HERC2: variants seen among roughly 807,000 people sequenced by gnomAD.
HERC2 encodes the protein E3 ubiquitin-protein ligase HERC2.
A neutral mutation model predicts 537.7 loss-of-function variants in HERC2; 102 were observed. The observed-to-expected ratio is 0.19, with a 90% CI of 0.16 to 0.22. The LOEUF is 0.22. HERC2 is among the 10% of genes least tolerant of loss of function. HERC2 has a pLI of 1.00. For missense variants in HERC2, 4,236 were observed against 6,198.2 expected, an observed-to-expected ratio of 0.68 and a Z score of 10.63; for synonymous variants, 2,224 against 2,466.2, an observed-to-expected ratio of 0.90 and a Z score of 2.91.
chr15:28,208,942 C>T (rs1043862697), intron 44 of HERC2, among the ~76,000 whole-genome samples: 1 of 152,056 alleles, frequency 6.6e-6, no homozygotes, highest in Admixed American at 6.6e-5. Context: ...GGACTTTCCC[C>T]GAAAAGACTT....
intron 37 of HERC2, among the ~76,000 whole-genome samples, chr15:28,219,440 A>G (rs1213589793): frequency 6.6e-6 from 1 of 152,228 alleles, no homozygotes; most frequent in African/African-American, 2.4e-5. Flanking sequence ...GTCAGGCAGC[A>G]TGCTATAGGC....
chr15:28,267,303 T>C (rs2075595848), intron 12 of HERC2, among the ~76,000 whole-genome samples: 1 of 152,226 alleles, frequency 6.6e-6, no homozygotes, highest in South Asian at 2.1e-4. Context: ...GCTTCTGCCA[T>C]CTGCACTCAT....
chr15:28,246,900 T>C lies in HERC2; in HGVS notation c.3236-3A>G, dbSNP rs753036813. The stretch of plus-strand genomic sequence containing the variant: ...ACCAACACCCATTAGCTCTGGACCT[T>C]GAAGAAGGATTGAGAAATTTTCATT... On this transcript the variant is annotated splice_region_variant and splice_polypyrimidine_tract_variant and intron_variant, in intron 21 of 92. Coordinates refer to ENST00000261609, the MANE Select transcript of HERC2 (RefSeq NM_004667.6). 2.5e-6 allele frequency: 4 copies of C among 1,593,124 alleles called. No homozygotes were observed. In the South Asian group the frequency reaches 3.5e-5, roughly 14 times the overall value.
intron 50 of HERC2, among the ~76,000 whole-genome samples, chr15:28,197,462 C>T (rs1897454120): frequency 6.6e-6 from 1 of 152,108 alleles, no homozygotes; most frequent in Non-Finnish European, 1.5e-5. Flanking sequence ...TTTTATACAG[C>T]ATGAAAAAGA....
chr15:28,308,148 T>C (rs1208337531), intron 2 of HERC2, among the ~76,000 whole-genome samples: 1 of 152,246 alleles, frequency 6.6e-6, no homozygotes, highest in African/African-American at 2.4e-5. Flanking sequence ...TTGGGTAGTA[T>C]GGACATTTTA....
chr15:28,250,964 G>A (rs559374661), intron 20 of HERC2, among the ~76,000 whole-genome samples: 6 of 152,192 alleles, frequency 3.9e-5, no homozygotes, highest in Middle Eastern at 3.4e-3. Context: ...TTTTAAGTAC[G>A]TACATCCTTA....
rs760487369 is a variant in HERC2, at chr15:28,233,288, T to C, written c.4533A>G (p.Glu1511=). The C allele has an allele frequency of 1.0e-5, 16 of 1,549,294 alleles. No individual in the cohort carries two copies. The highest frequency in any genetic ancestry group is 1.4e-5 in the Non-Finnish European group (16 of 1,124,518). ...SYKEVCAPVI[E]RLRFLFNELR... ...ATTCATTAAAGAGGAATCTCAAACGTTCGATGACAGGAGCGCAGACCTCCT... is the reference window on the plus strand; with the variant it reads ...ATTCATTAAAGAGGAATCTCAAACGCTCGATGACAGGAGCGCAGACCTCCT... The change falls in exon 30 of 93, where the codon GAA becomes GAG. Residue 1511 remains glutamate (E), a synonymous_variant. Transcript: ENST00000261609.
At position 28,169,664 on chromosome 15, in the gene HERC2, G is replaced by A. The variant is rs779021531; in HGVS notation, c.10058-9C>T. ...AGCATCTGAAGGCACGCCTATAAGAGGAAAATAAAATTTGCATTGTTTTTA... is the reference window on the plus strand; with the variant it reads ...AGCATCTGAAGGCACGCCTATAAGAAGAAAATAAAATTTGCATTGTTTTTA... On this transcript the variant is annotated splice_polypyrimidine_tract_variant and intron_variant, in intron 65 of 92. Coordinates refer to ENST00000261609, the MANE Select transcript of HERC2 (RefSeq NM_004667.6). 4.4e-6 allele frequency: 7 copies of A among 1,593,968 alleles called. No homozygotes were observed. The highest frequency in any genetic ancestry group is 6.0e-6 in the Non-Finnish European group (7 of 1,171,796).
At position 28,269,305 on chromosome 15, in the gene HERC2, G is replaced by A; in HGVS notation, c.1389C>T (p.Phe463=). Residue 463 remains phenylalanine, a synonymous_variant, in exon 11 of 93, where the codon TTC becomes TTT. Transcript: ENST00000261609. ...VTQIACAEKR[F]LILSRNGRVY... ...CGCGGCCATTGCGTGACAGAATCAG[G>A]AAACGCTTCTCTGCACAGGCAATCT... 1 of 1,614,182 alleles carries A rather than the reference G, an allele frequency of 6.2e-7. No individual in the cohort carries two copies. The highest frequency in any genetic ancestry group is 1.3e-5 in the African/African-American group (1 of 75,064).
chr15:28,131,455 C>T (rs936426258), intron 81 of HERC2, among the ~76,000 whole-genome samples: 3 of 152,218 alleles, frequency 2.0e-5, no homozygotes, highest in Admixed American at 6.5e-5. Context: ...CTGGGCTACA[C>T]GGCAGTGTGG....
At position 28,220,460 on chromosome 15, in the gene HERC2, T is replaced by C. The variant is rs781591813; in HGVS notation, c.5837A>G (p.Asp1946Gly). The C allele has an allele frequency of 6.8e-6, 11 of 1,606,648 alleles. No individual in the cohort carries two copies. Among genetic ancestry groups the C allele is most frequent in the Non-Finnish European group, 9.3e-6 (11 of 1,179,756 alleles). The change falls in exon 37 of 93, where the codon GAT (aspartate) becomes GGT (glycine). Residue 1946 changes from aspartate (D) to glycine (G), a missense_variant. Coordinates refer to ENST00000261609, the MANE Select transcript of HERC2 (RefSeq NM_004667.6). Reference sequence around the variant, plus strand: ...CTTCCTGAGTCACCCACCAGAGTCATCCTCTGTGTCCGAATCCTCTGCTGA... The same window carrying C: ...CTTCCTGAGTCACCCACCAGAGTCACCCTCTGTGTCCGAATCCTCTGCTGA... ...QPSAEDSDTEDDSEAEQTERN... is the reference protein window; with the variant it reads ...QPSAEDSDTEGDSEAEQTERN...
At position 28,229,537 on chromosome 15, in the gene HERC2, C is replaced by T; in HGVS notation, c.5043G>A (p.Lys1681=). The T allele has an allele frequency of 6.2e-7, 1 of 1,613,864 alleles. No individual in the cohort carries two copies. The highest frequency in any genetic ancestry group is 2.2e-5 in the East Asian group (1 of 44,886). ...GIDTILKLAS[K]NFLLPSVQYA... ...ACTGCACAGATGGAAGTAAGAAATT[C>T]TTGCTCGCCAGTTTTAAAATTGTAT... The change falls in exon 33 of 93, where the codon AAG becomes AAA. Residue 1681 remains lysine, a synonymous_variant. Coordinates refer to ENST00000261609, the MANE Select transcript of HERC2 (RefSeq NM_004667.6).
intron 7 of HERC2, 116 bp from the exon 8 acceptor site, chr15:28,273,120 A>G: frequency 1.3e-6 from 1 of 755,278 alleles, no homozygotes; most frequent in Non-Finnish European, 2.3e-6. Flanking sequence ...TATTTTTAAT[A>G]TTTAGGATCA....
At chr15:28,215,970 A>G (rs564373467) in intron 38 of HERC2, among the ~76,000 whole-genome samples, 168 bp from the exon 39 acceptor site, 1 of 152,328 alleles carries the variant, frequency 6.6e-6, no homozygotes, top group South Asian at 2.1e-4. Flanking sequence ...GAGAAGTGGA[A>G]GGCAGCTTTT....
Position 28,214,179 on chromosome 15 carries a change from C to T in HERC2, c.6452G>A (p.Arg2151His), listed in dbSNP as rs767053779. Residue 2151 changes from arginine (R) to histidine (H), a missense_variant, in exon 41 of 93, where the codon CGC becomes CAC. Arg to His is a conservative substitution (Grantham distance 29). Around this residue, in one of 27 missense-constraint regions of HERC2, gnomAD observed 365 missense variants for 468.8 expected, o/e 0.78. Transcript: ENST00000261609. The part of the protein sequence containing the change: ...TLAEEVVALL[R>H]TLHSLTQWNG... ...CCACTGAGTCAGGGAGTGCAGCGTG[C>T]GCAGCAGTGCCACCACCTCCTCCGC... 29 of 1,612,596 alleles carry T rather than the reference C, an allele frequency of 1.8e-5. No individual in the cohort carries two copies. The highest frequency in any genetic ancestry group is 5.3e-5 in the African/African-American group (4 of 74,856).
chr15:28,185,115 C>T (rs769497055), intron 56 of HERC2, among the ~76,000 whole-genome samples: 1 of 151,100 alleles, frequency 6.6e-6, no homozygotes, highest in Non-Finnish European at 1.5e-5. Flanking sequence ...ATACTATTTT[C>T]TTTTCAACTT....
intron 35 of HERC2, among the ~76,000 whole-genome samples, chr15:28,222,942 A>G (rs1567035833): frequency 6.7e-6 from 1 of 149,786 alleles, no homozygotes; most frequent in Non-Finnish European, 1.5e-5. Flanking sequence ...GATCCTGTGG[A>G]AGCTTGTACC....
At chr15:28,235,599 C>T (rs1223789652) in intron 26 of HERC2, among the ~76,000 whole-genome samples, 3 of 152,170 alleles carry the variant, frequency 2.0e-5, no homozygotes, top group African/African-American at 7.2e-5. Flanking sequence ...CAGCATTGCC[C>T]TTGACACTCC....
intron 40 of HERC2, 31 bp downstream of exon 40, chr15:28,214,624 C>A: frequency 6.2e-7 from 1 of 1,609,884 alleles, no homozygotes; most frequent in East Asian, 2.2e-5. Context: ...CGCTCTTCAC[C>A]AGGGCACAGG....
Sources: gnomAD v4.1 joint callset for allele counts (sites outside exome capture counted in the v4.1 genomes callset) on GRCh38, gnomAD v4.1.1 for gene constraint, gnomAD v4.1.1 regional missense constraint, MANE v1.5 for transcripts, NCBI Gene and HGNC (gene_info 2026-07-23, HGNC 2026-07-21) for gene names.